The following SLC9A2 variants were observed in gnomAD, a reference collection of about 807,000 sequenced individuals.
The protein encoded by SLC9A2 is sodium/hydrogen exchanger 2.
SLC9A2 carries 42 observed loss-of-function variants against 71.7 expected under a neutral mutation model. The ratio of observed to expected loss-of-function variants is 0.59; its 90% CI spans 0.46 to 0.76. SLC9A2 has a LOEUF of 0.76. SLC9A2 is among the 30% of genes least tolerant of loss of function. The pLI, the probability that SLC9A2 is intolerant of heterozygous loss-of-function variation, is 0.00. For synonymous variants in SLC9A2, 396 were observed against 392.5 expected (o/e 1.01, Z -0.10); for missense variants, 829 against 1,017.4 (o/e 0.81, Z 2.52).
At chr2:102,632,132 ATATATG>A (rs3079238) in intron 1 of SLC9A2, among the ~76,000 whole-genome samples, 289 of 96,578 alleles carry the variant, frequency 3.0e-3, no homozygotes, top group South Asian at 4.9e-3. Flanking sequence ...ATATATACAT[ATATATG>A]TATATATACA....
chr2:102,671,117 G>A (rs978767912), intron 3 of SLC9A2, among the ~76,000 whole-genome samples: 20 of 152,070 alleles, frequency 1.3e-4, no homozygotes, highest in African/African-American at 3.6e-4. Flanking sequence ...TCATCTCAAC[G>A]TCCTGAAGTG....
At chr2:102,645,198 A>C (rs987675444) in intron 1 of SLC9A2, among the ~76,000 whole-genome samples, 1 of 152,244 alleles carries the variant, frequency 6.6e-6, no homozygotes, top group African/African-American at 2.4e-5. Flanking sequence ...ACAGACCTGC[A>C]GCAGAGGGAC....
intron 1 of SLC9A2, among the ~76,000 whole-genome samples, chr2:102,643,083 T>G (rs1346964509): frequency 6.6e-6 from 1 of 152,218 alleles, no homozygotes; most frequent in Non-Finnish European, 1.5e-5. Flanking sequence ...TGATACAGTT[T>G]CATTCTCAAA....
At chr2:102,667,397 T>C (rs376471109) in intron 3 of SLC9A2, among the ~76,000 whole-genome samples, 2 of 152,298 alleles carry the variant, frequency 1.3e-5, no homozygotes, top group South Asian at 2.1e-4. Flanking sequence ...TATGTAAATG[T>C]TCTAGAACCC....
chr2:102,654,363 G>A (rs550025129), intron 1 of SLC9A2, among the ~76,000 whole-genome samples: 36 of 152,204 alleles, frequency 2.4e-4, no homozygotes, highest in South Asian at 1.0e-3. Context: ...GGGCTTGCCA[G>A]AGGTCATAGG....
At chr2:102,660,716 G>C (rs1677032385) in intron 2 of SLC9A2, among the ~76,000 whole-genome samples, 2 of 152,174 alleles carry the variant, frequency 1.3e-5, no homozygotes, top group African/African-American at 4.8e-5. Flanking sequence ...GATGCATACA[G>C]CAAAAACTGT....
intron 1 of SLC9A2, among the ~76,000 whole-genome samples, chr2:102,632,222 T>TG (rs1558701664): frequency 1.4e-5 from 2 of 141,076 alleles, no homozygotes; most frequent in South Asian, 2.1e-4. Flanking sequence ...ATATATATAT[T>TG]TATTATATAT....
At chr2:102,644,964 C>T (rs1676689089) in intron 1 of SLC9A2, among the ~76,000 whole-genome samples, 1 of 152,226 alleles carries the variant, frequency 6.6e-6, no homozygotes. Flanking sequence ...GACAGACTGC[C>T]TCCTCAAGTG....
chr2:102,632,466 C>T (rs1370177445), intron 1 of SLC9A2, among the ~76,000 whole-genome samples: 1 of 151,864 alleles, frequency 6.6e-6, no homozygotes, highest in African/African-American at 2.4e-5. Context: ...GTTATTCTCT[C>T]ACAATTACAT....
intron 2 of SLC9A2, 59 bp from the exon 3 acceptor site, chr2:102,665,039 CCA>C: frequency 1.3e-6 from 2 of 1,552,234 alleles, no homozygotes; most frequent in Non-Finnish European, 1.7e-6. Flanking sequence ...GTGTTTGTGC[CCA>C]GAGTGACAAT....
intron 1 of SLC9A2, among the ~76,000 whole-genome samples, chr2:102,655,070 G>A (rs1676911553): frequency 6.6e-6 from 1 of 152,118 alleles, no homozygotes; most frequent in Admixed American, 6.5e-5. Context: ...GTACACTACT[G>A]TAGACTTCAT....
chr2:102,647,123 C>G (rs1028462736), intron 1 of SLC9A2, among the ~76,000 whole-genome samples: 1 of 152,178 alleles, frequency 6.6e-6, no homozygotes, highest in African/African-American at 2.4e-5. Flanking sequence ...TCTCAGACCA[C>G]ACTGCAATCA....
At chr2:102,684,402 C>T in intron 5 of SLC9A2, 66 bp downstream of exon 5, 1 of 1,440,636 alleles carries the variant, frequency 6.9e-7, no homozygotes, top group Non-Finnish European at 9.8e-7. Flanking sequence ...ATTCTGTTTA[C>T]AGGATGCAAA....
intron 1 of SLC9A2, among the ~76,000 whole-genome samples, chr2:102,651,358 T>G (rs1676831239): frequency 6.6e-6 from 1 of 152,196 alleles, no homozygotes; most frequent in South Asian, 2.1e-4. Context: ...CTAGCATTTT[T>G]CTGTCCCTCT....
At chr2:102,620,162 A>C in intron 1 of SLC9A2, 25 bp downstream of exon 1, 1 of 1,574,930 alleles carries the variant, frequency 6.3e-7, no homozygotes, top group Middle Eastern at 1.7e-4. Context: ...CTTGTGGGGA[A>C]TGGGAGGGGG....
chr2:102,639,007 G>C (rs185236865), intron 1 of SLC9A2, among the ~76,000 whole-genome samples: 1 of 152,296 alleles, frequency 6.6e-6, no homozygotes, highest in East Asian at 1.9e-4. Context: ...AACATAGTGA[G>C]ACCTTGTCTA....
intron 3 of SLC9A2, among the ~76,000 whole-genome samples, chr2:102,670,849 C>CTTTTTTTTTTTTTTTTTTTTTTTT: frequency 1.3e-5 from 1 of 75,890 alleles, no homozygotes; most frequent in Admixed American, 2.1e-4. Flanking sequence ...GGAAGGCATG[C>CTTTTTTTTTTTTTTTTTTTTTTTT]TTTTTTTTTT....
At chr2:102,669,866 T>C (rs1373051054) in intron 3 of SLC9A2, among the ~76,000 whole-genome samples, 1 of 152,074 alleles carries the variant, frequency 6.6e-6, no homozygotes, top group African/African-American at 2.4e-5. Flanking sequence ...CCTCCCCTTC[T>C]ACCCTACACA....
At chr2:102,683,717 T>A (rs1203181029) in intron 4 of SLC9A2, among the ~76,000 whole-genome samples, 1 of 146,854 alleles carries the variant, frequency 6.8e-6, no homozygotes, top group South Asian at 2.3e-4. Context: ...TTCCCTATTA[T>A]CTTCTTCCTC....
Sources: allele counts gnomAD v4.1 joint callset (sites outside exome capture counted in the v4.1 genomes callset), GRCh38; gene constraint gnomAD v4.1.1; transcripts MANE v1.5; gene names NCBI Gene and HGNC (gene_info 2026-07-23, HGNC 2026-07-21).